Variants in TPTE2 observed in about 807,000 individuals in gnomAD.
TPTE2 encodes the protein phosphatidylinositol 3,4,5-trisphosphate 3-phosphatase TPTE2.
TPTE2 carries 53 observed loss-of-function variants against 78.6 expected under a neutral mutation model. The ratio of observed to expected loss-of-function variants is 0.67; its 90% CI spans 0.54 to 0.85. The LOEUF is 0.85. Among genes scored for constraint, TPTE2 ranks in the 40% least tolerant of loss-of-function variants. The pLI is 0.00. For missense variants in TPTE2, 461 were observed against 623.0 expected (o/e 0.74, Z 2.77); for synonymous variants, 175 against 206.2 (o/e 0.85, Z 1.30).
intron 15 of TPTE2, among the ~76,000 whole-genome samples, chr13:19,434,000 G>A (rs992524346): frequency 1.2e-4 from 18 of 152,114 alleles, no homozygotes; most frequent in African/African-American, 4.3e-4. Context: ...AACCACCAGG[G>A]CCCTCAAGCT....
At chr13:19,485,129 T>C (rs1050899614) in intron 3 of TPTE2, among the ~76,000 whole-genome samples, 2 of 152,196 alleles carry the variant, frequency 1.3e-5, no homozygotes, top group Non-Finnish European at 2.9e-5. Context: ...TTCTCCTTTA[T>C]GCATTGACTC....
At chr13:19,440,598 C>T (rs1311732484) in intron 13 of TPTE2, among the ~76,000 whole-genome samples, 1 of 150,434 alleles carries the variant, frequency 6.6e-6, no homozygotes, top group African/African-American at 2.4e-5. Flanking sequence ...AGTGAAACTC[C>T]GTCTTTACTA....
At chr13:19,509,321 A>C in intron 1 of TPTE2, among the ~76,000 whole-genome samples, 1 of 152,174 alleles carries the variant, frequency 6.6e-6, no homozygotes, top group Admixed American at 6.5e-5. Flanking sequence ...AACCGTGGAG[A>C]AGATTAACAA....
chr13:19,549,055 G>A, the TPTE2 span, among the ~76,000 whole-genome samples: 1 of 151,170 alleles, frequency 6.6e-6, no homozygotes, highest in Non-Finnish European at 1.5e-5. Flanking sequence ...GGGAGGCAGA[G>A]GATGCAGTGA....
chr13:19,455,743 AG>A (rs1366672899), intron 10 of TPTE2, among the ~76,000 whole-genome samples: 1 of 152,238 alleles, frequency 6.6e-6, no homozygotes, highest in Non-Finnish European at 1.5e-5. Context: ...AAAATAAAAA[AG>A]GTTGGTTTAA....
rs1877061999 is a variant in TPTE2, at chr13:19,436,091, C to T, written c.1116+135G>A. 3 of 677,548 alleles carry T rather than the reference C, an allele frequency of 4.4e-6. No homozygotes were observed. The South Asian group carries it at 5.9e-5, about 13-fold the overall frequency. The allele number at this position is 677,548 out of a possible 1,614,324, so 42.0% of individuals were successfully genotyped here. A position where few individuals can be genotyped will look rare whatever the true frequency, so the allele number is the denominator to read the frequency against. ...GTGACCCTCAGACTCAGGGAGGGAC[C>T]AAGGCCTGTTGCAGGGCACCCAACT... On this transcript the variant is annotated intron_variant, in intron 15 of 19. Coordinates refer to ENST00000400230, the Ensembl canonical transcript of TPTE2.
intron 15 of TPTE2, among the ~76,000 whole-genome samples, chr13:19,432,803 G>A (rs1876768051): frequency 6.6e-6 from 1 of 151,804 alleles, no homozygotes; most frequent in Non-Finnish European, 1.5e-5. Flanking sequence ...TAACAAGGAT[G>A]GAGCCAGGCC....
At chr13:19,546,900 A>C in the TPTE2 span, among the ~76,000 whole-genome samples, 1 of 152,162 alleles carries the variant, frequency 6.6e-6, no homozygotes, top group Non-Finnish European at 1.5e-5. Flanking sequence ...ATAGGAGAAA[A>C]AGAAAAAAAA....
chr13:19,425,462 ACC>A (rs1462762297), intron 18 of TPTE2, among the ~76,000 whole-genome samples: 14 of 151,954 alleles, frequency 9.2e-5, no homozygotes, highest in African/African-American at 2.2e-4. Flanking sequence ...TTTCCAGTTC[ACC>A]TCCTCCCAGT....
chr13:19,434,620 T>C (rs1229840874), intron 15 of TPTE2, among the ~76,000 whole-genome samples: 1 of 152,086 alleles, frequency 6.6e-6, no homozygotes, highest in African/African-American at 2.4e-5. Context: ...GGGGCTTGGG[T>C]GTGGGAGAAA....
At chr13:19,495,660 A>C (rs1230615391) in intron 1 of TPTE2, among the ~76,000 whole-genome samples, 2 of 152,210 alleles carry the variant, frequency 1.3e-5, no homozygotes, top group African/African-American at 4.8e-5. Context: ...GTGTTTGTAT[A>C]TGCATAGATA....
intron 4 of TPTE2, 104 bp downstream of exon 7, chr13:19,482,384 T>C (rs534196108): frequency 7.0e-4 from 935 of 1,342,118 alleles, no homozygotes; most frequent in Non-Finnish European, 8.9e-4. Flanking sequence ...TTGATATCTT[T>C]CCATAGTTTC....
intron 10 of TPTE2, among the ~76,000 whole-genome samples, chr13:19,456,890 G>A (rs1267080683): frequency 6.6e-6 from 1 of 152,014 alleles, no homozygotes; most frequent in African/African-American, 2.4e-5. Flanking sequence ...AAACAAAGAA[G>A]TACAAAGTTG....
At chr13:19,511,498 G>T (rs971640571) in intron 1 of TPTE2, among the ~76,000 whole-genome samples, 3 of 151,956 alleles carry the variant, frequency 2.0e-5, no homozygotes, top group Admixed American at 1.3e-4. Context: ...TCTCATCTAG[G>T]TATTAAAAAG....
intron 1 of TPTE2, among the ~76,000 whole-genome samples, chr13:19,530,674 A>C (rs1870813613): frequency 6.6e-6 from 1 of 151,944 alleles, no homozygotes; most frequent in South Asian, 2.1e-4. Flanking sequence ...CCTCCTGAGT[A>C]GCTGGGACCA....
intron 1 of TPTE2, among the ~76,000 whole-genome samples, chr13:19,522,417 A>C (rs1359304871): frequency 3.9e-5 from 6 of 152,176 alleles, no homozygotes; most frequent in Non-Finnish European, 7.3e-5. Flanking sequence ...GAAGAAGAAC[A>C]AAGAAATTTG....
chr13:19,439,786 A>T (rs1877367302), intron 13 of TPTE2, among the ~76,000 whole-genome samples: 1 of 152,228 alleles, frequency 6.6e-6, no homozygotes, highest in African/African-American at 2.4e-5. Context: ...AACTAAAAAA[A>T]TTCACTTAAG....
intron 1 of TPTE2, among the ~76,000 whole-genome samples, chr13:19,509,086 G>T (rs1023696533): frequency 1.2e-4 from 19 of 152,018 alleles, no homozygotes; most frequent in Non-Finnish European, 1.9e-4. Flanking sequence ...TAAATACTAA[G>T]AACTGATTGA....
At chr13:19,509,238 G>A (rs1869269711) in intron 1 of TPTE2, among the ~76,000 whole-genome samples, 1 of 152,052 alleles carries the variant, frequency 6.6e-6, no homozygotes, top group African/African-American at 2.4e-5. Flanking sequence ...AGAAGCACAG[G>A]GCAAAGTCTA....
Sources: gnomAD v4.1 joint callset for allele counts (sites outside exome capture counted in the v4.1 genomes callset) on GRCh38, gnomAD v4.1.1 for gene constraint, MANE v1.5 for transcripts, NCBI Gene and HGNC (gene_info 2026-07-23, HGNC 2026-07-21) for gene names.